RIN2: variants seen among roughly 807,000 people sequenced by gnomAD.
RIN2 encodes Ras and Rab interactor 2.
A neutral mutation model predicts 78.0 loss-of-function variants in RIN2; 36 were observed. That is an observed-to-expected ratio of 0.46 (90% confidence interval 0.35 to 0.61). The LOEUF (loss-of-function observed/expected upper bound fraction) is 0.61, where lower values mean the gene tolerates loss of function less well. RIN2 is among the 20% of genes least tolerant of loss of function. RIN2 has a pLI of 0.00. For synonymous variants in RIN2, 466 were observed against 466.8 expected (o/e 1.00, Z 0.02); for missense variants, 1,087 against 1,159.7 (o/e 0.94, Z 0.91).
intron 2 of RIN2, among the ~76,000 whole-genome samples, chr20:19,829,795 T>C (rs1342695146): frequency 6.6e-6 from 1 of 152,144 alleles, no homozygotes; most frequent in Non-Finnish European, 1.5e-5. Flanking sequence ...AGCTGCTGAA[T>C]TGGGAGACCC....
intron 2 of RIN2, among the ~76,000 whole-genome samples, chr20:19,811,918 A>AG (rs2035616162): frequency 6.6e-6 from 1 of 152,128 alleles, no homozygotes; most frequent in Non-Finnish European, 1.5e-5. Context: ...GTACCAGTGT[A>AG]GTGTTTTAGT....
chr20:19,992,605 A>T (rs980783982), intron 11 of RIN2, among the ~76,000 whole-genome samples: 1 of 152,212 alleles, frequency 6.6e-6, no homozygotes, highest in African/African-American at 2.4e-5. Context: ...CAAAAGTAAT[A>T]CACACTCGTG....
chr20:19,842,985 G>A (rs2036630175), intron 2 of RIN2, among the ~76,000 whole-genome samples: 2 of 152,058 alleles, frequency 1.3e-5, no homozygotes, highest in East Asian at 1.9e-4. Context: ...ATGATTTTGA[G>A]GGACTCAAGA....
At chr20:19,808,183 C>T (rs1467725345) in intron 2 of RIN2, among the ~76,000 whole-genome samples, 3 of 152,228 alleles carry the variant, frequency 2.0e-5, no homozygotes. Context: ...AATCATATGC[C>T]TTATGCGTGC....
At chr20:19,777,066 G>A (rs553807515) in intron 1 of RIN2, among the ~76,000 whole-genome samples, 532 of 152,344 alleles carry the variant, frequency 3.5e-3, no homozygotes, top group African/African-American at 0.012. Flanking sequence ...GAGGGAGGAA[G>A]GAGGAGGTGT....
upstream of RIN2, chr20:19,758,149 C>A (rs573905452): frequency 6.6e-6 from 1 of 152,406 alleles, no homozygotes; most frequent in Non-Finnish European, 1.5e-5. Flanking sequence ...AACACAAAGC[C>A]CTTCCCTCCC....
chr20:19,763,995 ACTTG>A (rs2033760241), intron 1 of RIN2, among the ~76,000 whole-genome samples: 1 of 152,150 alleles, frequency 6.6e-6, no homozygotes, highest in East Asian at 1.9e-4. Context: ...ATAACCCCCC[ACTTG>A]CTTAAAATTC....
At chr20:19,880,788 T>C (rs2038005208) in intron 2 of RIN2, among the ~76,000 whole-genome samples, 1 of 152,150 alleles carries the variant, frequency 6.6e-6, no homozygotes, top group Non-Finnish European at 1.5e-5. Flanking sequence ...GCACGTAAGG[T>C]ATTAAAGACA....
chr20:19,992,093 TA>T, intron 10 of RIN2, 74 bp from the exon 11 acceptor site: 2 of 1,526,010 alleles, frequency 1.3e-6, no homozygotes, highest in Admixed American at 3.8e-5. Flanking sequence ...TGCTGTCTAA[TA>T]AAAGCAGCAA....
At chr20:19,851,852 C>A (rs946729986) in intron 2 of RIN2, among the ~76,000 whole-genome samples, 1 of 152,092 alleles carries the variant, frequency 6.6e-6, no homozygotes, top group Non-Finnish European at 1.5e-5. Flanking sequence ...AACAAGGCAC[C>A]CCCAAACTCA....
At chr20:19,818,070 T>A (rs545481242) in intron 2 of RIN2, among the ~76,000 whole-genome samples, 1 of 151,578 alleles carries the variant, frequency 6.6e-6, no homozygotes, top group Non-Finnish European at 1.5e-5. Context: ...TGGTATAGTC[T>A]CTTGCTTCTG....
At chr20:19,859,952 T>C (rs6046374) in intron 2 of RIN2, among the ~76,000 whole-genome samples, 67 of 152,236 alleles carry the variant, frequency 4.4e-4, no homozygotes, top group African/African-American at 1.5e-3. Flanking sequence ...AGGAAGCCAG[T>C]ATAGAGTGTT....
chr20:19,948,341 A>AGT (rs1277138183), intron 4 of RIN2, among the ~76,000 whole-genome samples: 3 of 152,222 alleles, frequency 2.0e-5, no homozygotes, highest in Non-Finnish European at 2.9e-5. Flanking sequence ...AACCAATCCC[A>AGT]TCCTAGCTGA....
At chr20:19,791,203 ATAGAAT>A (rs1388063238) in intron 1 of RIN2, among the ~76,000 whole-genome samples, 6 of 152,256 alleles carry the variant, frequency 3.9e-5, no homozygotes, top group African/African-American at 1.4e-4. Context: ...AATTGGAAAA[ATAGAAT>A]TAGAAATGAT....
At chr20:19,805,034 A>G (rs1454535207) in intron 2 of RIN2, among the ~76,000 whole-genome samples, 1 of 152,190 alleles carries the variant, frequency 6.6e-6, no homozygotes, top group African/African-American at 2.4e-5. Context: ...GGTAGGCACT[A>G]TTCTTATCCT....
At chr20:19,946,587 G>T in intron 4 of RIN2, among the ~76,000 whole-genome samples, 1 of 151,674 alleles carries the variant, frequency 6.6e-6, no homozygotes, top group Non-Finnish European at 1.5e-5. Context: ...GCATGGTGGC[G>T]CTTGCCTAGC....
At chr20:19,831,664 A>G (rs1347110788) in intron 2 of RIN2, among the ~76,000 whole-genome samples, 2 of 152,206 alleles carry the variant, frequency 1.3e-5, no homozygotes, top group Admixed American at 6.5e-5. Context: ...TTTCCCTGAT[A>G]CATTTGAACC....
rs762659788 is a variant in RIN2, at chr20:19,970,832, A to G, written c.537-6A>G. The G allele has an allele frequency of 3.7e-6, 6 of 1,604,756 alleles. No individual in the cohort carries two copies. In the East Asian group the frequency reaches 1.1e-4, roughly 30 times the overall value. ...ACAAACATTCTCTCTTTTTCTGAAC[A>G]ATCAGGGATGTTCTACCATTTACCT... On this transcript the variant is annotated splice_polypyrimidine_tract_variant and splice_region_variant and intron_variant, in intron 7 of 12. Coordinates refer to ENST00000255006, the MANE Select transcript of RIN2 (RefSeq NM_018993.4).
chr20:19,895,448 C>T (rs916497436), intron 3 of RIN2, among the ~76,000 whole-genome samples: 5 of 152,132 alleles, frequency 3.3e-5, no homozygotes, highest in Non-Finnish European at 7.3e-5. Context: ...TAGAGTACCC[C>T]CTTTCTAAGT....
Sources: allele counts gnomAD v4.1 joint callset (sites outside exome capture counted in the v4.1 genomes callset), GRCh38; gene constraint gnomAD v4.1.1; transcripts MANE v1.5; gene names NCBI Gene and HGNC (gene_info 2026-07-23, HGNC 2026-07-21).